PROSER2: variants seen among roughly 807,000 people sequenced by gnomAD.
The protein encoded by PROSER2 is proline and serine rich 2, also known as proline and serine-rich protein 2.
PROSER2 carries 18 observed loss-of-function variants against 14.6 expected under a neutral mutation model. The observed-to-expected ratio is 1.23, with a 90% CI of 0.85 to 1.83. The LOEUF is 1.83. Ranked by LOEUF, PROSER2 falls within the 40% of genes most tolerant of loss-of-function variation. The pLI is 0.00. For missense variants in PROSER2, 823 were observed against 629.8 expected (o/e 1.31, Z -3.28); for synonymous variants, 367 against 286.4 (o/e 1.28, Z -2.84).
intron 1 of PROSER2, among the ~76,000 whole-genome samples, chr10:11,845,676 G>A (rs1209310840): frequency 6.6e-6 from 1 of 152,126 alleles, no homozygotes; most frequent in East Asian, 1.9e-4. Context: ...GTGGAACCCG[G>A]GGAGGGAGCT....
In PROSER2 at chr10:11,830,348, A is replaced by G. The variant is rs1014537164; in HGVS notation, c.-82+6878A>G. ...CTTCAGTTCCATCCACGTTGCTGCA[A>G]AAGACATGATTGCATTCATTTTTAT... On this transcript the variant is annotated intron_variant, in intron 1 of 3. Transcript: ENST00000277570. This position sits in a 1 kb window ranked among gnomAD's most constrained non-coding sequence, Gnocchi z 4.5. Among the ~76,000 whole-genome samples, 3 of 152,238 alleles carry G rather than the reference A, an allele frequency of 2.0e-5. No homozygotes were observed. The highest frequency in any genetic ancestry group is 4.4e-5 in the Non-Finnish European group (3 of 68,048).
chr10:11,859,289 T>G (rs1301749356), intron 2 of PROSER2, among the ~76,000 whole-genome samples: 4 of 151,118 alleles, frequency 2.6e-5, no homozygotes, highest in African/African-American at 4.9e-5. Flanking sequence ...AAAGGCCGAG[T>G]GTGGTGGTGC....
Position 11,869,931 on chromosome 10 carries a change from T to C in PROSER2, c.833T>C (p.Val278Ala). The C allele has an allele frequency of 6.5e-7, 1 of 1,549,366 alleles. No homozygotes were observed. The highest frequency in any genetic ancestry group is 1.2e-5 in the South Asian group (1 of 84,456). Reference protein sequence around the residue: ...RRTLSRAAVSVQERRAQVLAT... With the variant: ...RRTLSRAAVSAQERRAQVLAT... ...ACCCTGTCCAGGGCGGCCGTCAGCG[T>C]GCAGGAGCGCAGGGCGCAGGTGTTG... Residue 278 changes from valine to alanine, a missense_variant, in exon 4 of 4, where the codon GTG becomes GCG. Physicochemically the swap from Val to Ala is moderately conservative, Grantham distance 64 (BLOSUM62 0). Coordinates refer to ENST00000277570, the MANE Select transcript of PROSER2 (RefSeq NM_153256.4). This position sits in a 1 kb window ranked among gnomAD's most constrained non-coding sequence, Gnocchi z 4.4.
chr10:11,855,066 G>T (rs12357926), intron 2 of PROSER2, among the ~76,000 whole-genome samples: 13,074 of 151,234 alleles, frequency 0.086, 604 homozygotes, highest in East Asian at 0.1. Flanking sequence ...CTCTTAGAAG[G>T]CTCTTTAAGT....
rs151073367 is a variant in PROSER2 at position 11,836,416 on chromosome 10, C to T, written c.-82+12946C>T. On this transcript the variant is annotated intron_variant, in intron 1 of 3. Transcript: ENST00000277570. The surrounding 1 kb of genome is among the most constrained non-coding windows in gnomAD (Gnocchi z 4.6). ...TTCACCATGTTAGCCAGGCTGGTCT[C>T]GATCTCCTGACCTCAGGTGATCCTC... Among the ~76,000 whole-genome samples, 776 of 152,206 alleles carry T rather than the reference C, an allele frequency of 5.1e-3. 8 individuals are homozygous for T. Among genetic ancestry groups the T allele is most frequent in the African/African-American group, 0.017 (725 of 41,528 alleles).
intron 1 of PROSER2, among the ~76,000 whole-genome samples, chr10:11,835,679 C>T (rs1833750728): frequency 6.6e-6 from 1 of 152,058 alleles, no homozygotes; most frequent in African/African-American, 2.4e-5. Context: ...TAGGAAGTAA[C>T]ACAGAACCAG....
In PROSER2 at chr10:11,866,628, C is replaced by T; in HGVS notation, c.236C>T (p.Pro79Leu). The T allele has an allele frequency of 6.2e-7, 1 of 1,614,192 alleles. No individual in the cohort carries two copies. ...IDSLDEDFEE[P>L]VLCDGGVCCL... ...TCCCTAGACGAGGACTTTGAGGAGCCAGTGCTGTGCGATGGAGGAGTGTGC... is the reference window on the plus strand; with the variant it reads ...TCCCTAGACGAGGACTTTGAGGAGCTAGTGCTGTGCGATGGAGGAGTGTGC... The change falls in exon 3 of 4, where the codon CCA becomes CTA. Residue 79 changes from proline (P) to leucine (L), a missense_variant. Transcript: ENST00000277570. This position sits in a 1 kb window ranked among gnomAD's most constrained non-coding sequence, Gnocchi z 6.0.
At chr10:11,843,065 C>T (rs565777212) in intron 1 of PROSER2, among the ~76,000 whole-genome samples, 52 of 149,468 alleles carry the variant, frequency 3.5e-4, no homozygotes, top group African/African-American at 1.1e-3. Context: ...CTCAGCCTCC[C>T]GAGTAGCTGG....
intron 2 of PROSER2, among the ~76,000 whole-genome samples, chr10:11,857,996 A>C (rs1588495792): frequency 1.3e-5 from 2 of 152,178 alleles, no homozygotes; most frequent in East Asian, 3.9e-4. Flanking sequence ...ATGCAATGGC[A>C]CAATCTCAGC....
chr10:11,848,572 T>C (rs1052777318), intron 1 of PROSER2, among the ~76,000 whole-genome samples: 2 of 152,188 alleles, frequency 1.3e-5, no homozygotes, highest in Non-Finnish European at 2.9e-5. Flanking sequence ...CTTCAGACCA[T>C]GGCCAGAGTC....
chr10:11,834,043 G>A (rs1833724895), intron 1 of PROSER2, among the ~76,000 whole-genome samples: 1 of 134,980 alleles, frequency 7.4e-6, no homozygotes, highest in African/African-American at 2.8e-5. Context: ...CGCCTAGGCT[G>A]GAGTGCAGTG....
chr10:11,848,354 A>G (rs995140381), intron 1 of PROSER2, among the ~76,000 whole-genome samples: 9 of 152,162 alleles, frequency 5.9e-5, no homozygotes, highest in Non-Finnish European at 8.8e-5. Flanking sequence ...TTTTTAGTAG[A>G]GACGGGGTTT....
intron 1 of PROSER2, among the ~76,000 whole-genome samples, chr10:11,846,567 G>C (rs1020896899): frequency 1.3e-5 from 2 of 152,050 alleles, no homozygotes; most frequent in African/African-American, 4.8e-5. Flanking sequence ...AGTTGTATTT[G>C]GTTGTTTTTT....
At position 11,865,242 on chromosome 10, in the gene PROSER2, G is replaced by T. The variant is rs1834321981; in HGVS notation, c.139-1289G>T. Among the ~76,000 whole-genome samples, 3 of 148,780 alleles carry T rather than the reference G, an allele frequency of 2.0e-5. No homozygotes were observed. The highest frequency in any genetic ancestry group is 2.2e-4 in the South Asian group (1 of 4,606). Reference sequence around the variant, plus strand: ...TCTGATTTTACAACTTTATCTTTTAGGCTTTTATTTAGTTTTTCATTTTTT... The same window carrying T: ...TCTGATTTTACAACTTTATCTTTTATGCTTTTATTTAGTTTTTCATTTTTT... On this transcript the variant is annotated intron_variant, in intron 2 of 3. Transcript: ENST00000277570. This position sits in a 1 kb window ranked among gnomAD's most constrained non-coding sequence, Gnocchi z 4.2.
intron 2 of PROSER2, among the ~76,000 whole-genome samples, chr10:11,852,465 T>C (rs1834039385): frequency 1.3e-5 from 2 of 152,036 alleles, no homozygotes; most frequent in Admixed American, 6.6e-5. Flanking sequence ...TAGACGTAGA[T>C]AGGACCAGGC....
rs1469000043 is a variant in PROSER2, at chr10:11,871,270, T to C, written c.*864T>C. 6.6e-6 allele frequency: 1 copy of C among 152,244 alleles called. No individual in the cohort carries two copies. Among genetic ancestry groups the C allele is most frequent in the African/African-American group, 2.4e-5 (1 of 41,472 alleles). 9.4% of individuals were successfully genotyped at this position (152,244 alleles called of 1,614,324 possible). A position where few individuals can be genotyped will look rare whatever the true frequency, so the allele number is the denominator to read the frequency against. On this transcript the variant is annotated 3_prime_UTR_variant, in exon 4 of 4. Coordinates refer to ENST00000277570, the MANE Select transcript of PROSER2 (RefSeq NM_153256.4). ...GGTAGACAGAGCCACCTCAGCATCC[T>C]GATGGATGATACAAGAAATTGTTAC...
intron 1 of PROSER2, among the ~76,000 whole-genome samples, chr10:11,844,343 T>C (rs1439079239): frequency 6.6e-6 from 1 of 152,188 alleles, no homozygotes; most frequent in Non-Finnish European, 1.5e-5. Context: ...AATACATTCA[T>C]ATGGTTAAAA....
At chr10:11,848,750 G>C (rs1833965075) in intron 1 of PROSER2, among the ~76,000 whole-genome samples, 1 of 152,176 alleles carries the variant, frequency 6.6e-6, no homozygotes, top group Non-Finnish European at 1.5e-5. Flanking sequence ...AACCCGTGTT[G>C]TATCTTGTGC....
rs1833776449 is a variant in PROSER2 at position 11,837,376 on chromosome 10, G to A, written c.-82+13906G>A. On this transcript the variant is annotated intron_variant, in intron 1 of 3. Transcript: ENST00000277570. The surrounding 1 kb of genome is among the most constrained non-coding windows in gnomAD (Gnocchi z 4.6). ...GTGTGACAAGTGCTTAGGGACATTT[G>A]TAGGTAGAAGACATGAACACGAGCT... Among the ~76,000 whole-genome samples, 1 of 152,192 alleles carries A rather than the reference G, an allele frequency of 6.6e-6. No individual in the cohort carries two copies. Among genetic ancestry groups the A allele is most frequent in the South Asian group, 2.1e-4 (1 of 4,834 alleles).
Sources: allele counts gnomAD v4.1 joint callset (sites outside exome capture counted in the v4.1 genomes callset), GRCh38; gene constraint gnomAD v4.1.1; non-coding constraint Gnocchi (gnomAD v3.1); transcripts MANE v1.5; gene names NCBI Gene and HGNC (gene_info 2026-07-23, HGNC 2026-07-21).